The following CHSY3 variants were observed in gnomAD, a reference collection of about 807,000 sequenced individuals.
CHSY3 encodes N-acetylgalactosaminyl-proteoglycan 3-beta-glucuronosyltransferase 3.
Under a neutral mutation model 67.2 loss-of-function variants are expected in CHSY3, and 35 were observed. That is an observed-to-expected ratio of 0.52 (90% CI 0.40 to 0.69). The LOEUF (loss-of-function observed/expected upper bound fraction) is 0.69. Ranked by LOEUF, CHSY3 falls within the 30% of genes least tolerant of loss-of-function variation. The pLI is 0.00. For missense variants in CHSY3, 1,069 were observed against 1,138.5 expected (o/e 0.94, Z 0.88); for synonymous variants, 474 against 434.7 (o/e 1.09, Z -1.12).
intron 2 of CHSY3, among the ~76,000 whole-genome samples, chr5:130,091,365 T>C (rs919717352): frequency 6.6e-6 from 1 of 152,188 alleles, no homozygotes; most frequent in East Asian, 1.9e-4. Context: ...ATTCTAAATG[T>C]AAACACAAGA....
At chr5:130,169,369 A>C (rs1180416215) in intron 2 of CHSY3, among the ~76,000 whole-genome samples, 1 of 152,090 alleles carries the variant, frequency 6.6e-6, no homozygotes, top group Non-Finnish European at 1.5e-5. Flanking sequence ...TTAACACTGA[A>C]CACTGCACAA....
chr5:130,140,329 G>A (rs563868014), intron 2 of CHSY3: 26 of 533,596 alleles, frequency 4.9e-5, no homozygotes, highest in South Asian at 4.4e-4. Context: ...TAAGCACAAC[G>A]TCCAAGTAGA....
chr5:130,103,950 A>G (rs1767334318), intron 2 of CHSY3, among the ~76,000 whole-genome samples: 3 of 151,980 alleles, frequency 2.0e-5, no homozygotes, highest in Admixed American at 6.6e-5. Flanking sequence ...AGTGTCTTAT[A>G]TCTCAAAAAC....
chr5:129,926,240 T>G (rs1408679338), intron 2 of CHSY3, among the ~76,000 whole-genome samples: 1 of 152,052 alleles, frequency 6.6e-6, no homozygotes, highest in African/African-American at 2.4e-5. Flanking sequence ...GGCCAACTTA[T>G]TGATTATTTA....
chr5:129,936,140 T>C (rs1456453494), intron 2 of CHSY3, among the ~76,000 whole-genome samples: 3 of 152,158 alleles, frequency 2.0e-5, no homozygotes, highest in Non-Finnish European at 4.4e-5. Context: ...CATTGGAGGA[T>C]AAAAAGAAAT....
intron 2 of CHSY3, among the ~76,000 whole-genome samples, chr5:129,924,900 A>G (rs2149585385): frequency 6.6e-6 from 1 of 152,310 alleles, no homozygotes; most frequent in East Asian, 1.9e-4. Context: ...AAATTCCTCA[A>G]ATAATGATTA....
chr5:130,128,262 A>G (rs1428013565), intron 2 of CHSY3, among the ~76,000 whole-genome samples: 1 of 132,084 alleles, frequency 7.6e-6, no homozygotes, highest in East Asian at 2.7e-4. Flanking sequence ...GTGCGCTCAC[A>G]TGCTCAGGCA....
intron 2 of CHSY3, among the ~76,000 whole-genome samples, chr5:129,951,767 A>G (rs1426264821): frequency 6.6e-6 from 1 of 152,206 alleles, no homozygotes; most frequent in Non-Finnish European, 1.5e-5. Flanking sequence ...TGGCTTTGTA[A>G]TTTACATTTT....
chr5:129,985,513 T>G (rs1763169264), intron 2 of CHSY3, among the ~76,000 whole-genome samples: 1 of 152,180 alleles, frequency 6.6e-6, no homozygotes, highest in African/African-American at 2.4e-5. Flanking sequence ...TTGGGCTTTT[T>G]TTTTTGGTTC....
chr5:130,163,544 T>A (rs1353100986), intron 2 of CHSY3, among the ~76,000 whole-genome samples: 2 of 152,084 alleles, frequency 1.3e-5, no homozygotes, highest in African/African-American at 4.8e-5. Flanking sequence ...TCTAAATTAT[T>A]CTCTGAGGAA....
At chr5:130,165,376 A>G (rs1769714030) in intron 2 of CHSY3, among the ~76,000 whole-genome samples, 1 of 152,164 alleles carries the variant, frequency 6.6e-6, no homozygotes, top group South Asian at 2.1e-4. Flanking sequence ...ATTTATAATG[A>G]TATATTAGGG....
intron 2 of CHSY3, among the ~76,000 whole-genome samples, chr5:130,046,855 A>G (rs544374712): frequency 1.3e-5 from 2 of 152,214 alleles, no homozygotes; most frequent in Admixed American, 6.6e-5. Flanking sequence ...GTTAATTAAA[A>G]GTTCAGTGTA....
intron 2 of CHSY3, among the ~76,000 whole-genome samples, chr5:130,125,486 G>T (rs2149711085): frequency 6.6e-6 from 1 of 152,186 alleles, no homozygotes; most frequent in African/African-American, 2.4e-5. Context: ...TTTAATATTA[G>T]TTATACTGCA....
At chr5:130,114,788 T>C (rs1767728939) in intron 2 of CHSY3, among the ~76,000 whole-genome samples, 1 of 152,166 alleles carries the variant, frequency 6.6e-6, no homozygotes, top group Non-Finnish European at 1.5e-5. Flanking sequence ...AAGCTGTCAG[T>C]TTAGGACGTC....
chr5:129,945,000 A>G (rs924469920), intron 2 of CHSY3, among the ~76,000 whole-genome samples: 3 of 152,226 alleles, frequency 2.0e-5, no homozygotes, highest in Non-Finnish European at 4.4e-5. Flanking sequence ...TAATTTTAGA[A>G]CACTTATATT....
At chr5:130,176,628 T>G (rs571499863) in intron 2 of CHSY3, among the ~76,000 whole-genome samples, 32 of 152,114 alleles carry the variant, frequency 2.1e-4, no homozygotes, top group African/African-American at 7.7e-4. Context: ...ATAAAGAAAA[T>G]GTCACACATA....
intron 2 of CHSY3, among the ~76,000 whole-genome samples, chr5:130,041,120 A>G (rs999757257): frequency 1.3e-5 from 2 of 152,034 alleles, no homozygotes; most frequent in African/African-American, 4.8e-5. Context: ...TCTCTGGAAT[A>G]TTGCCCTTGG....
intron 2 of CHSY3, among the ~76,000 whole-genome samples, chr5:130,173,865 G>T (rs1476398413): frequency 1.3e-5 from 2 of 151,368 alleles, no homozygotes; most frequent in African/African-American, 4.9e-5. Flanking sequence ...TATTACCAGA[G>T]AAGTAGGGCA....
chr5:130,149,334 A>G (rs542564727), intron 2 of CHSY3, among the ~76,000 whole-genome samples: 2 of 152,346 alleles, frequency 1.3e-5, no homozygotes, highest in African/African-American at 4.8e-5. Context: ...CACAGGAAGC[A>G]TAGTACCAGT....
Sources: gnomAD v4.1 joint callset for allele counts (sites outside exome capture counted in the v4.1 genomes callset) on GRCh38, gnomAD v4.1.1 for gene constraint, MANE v1.5 for transcripts, NCBI Gene and HGNC (gene_info 2026-07-23, HGNC 2026-07-21) for gene names.